Variants in ZBTB20 observed in about 807,000 individuals in gnomAD.
ZBTB20 encodes the protein zinc finger and BTB domain containing 20, also known as zinc finger and BTB domain-containing protein 20.
Under a neutral mutation model 56.9 loss-of-function variants are expected in ZBTB20, and 9 were observed. That is an observed-to-expected ratio of 0.16 (90% CI 0.10 to 0.28). The LOEUF is 0.28. ZBTB20 is among the 10% of genes least tolerant of loss of function. The pLI, the probability that ZBTB20 is intolerant of heterozygous loss-of-function variation, is 1.00. For missense variants in ZBTB20, 655 were observed against 1,003.0 expected (o/e 0.65, Z 4.69); for synonymous variants, 417 against 420.7 (o/e 0.99, Z 0.11).
At chr3:114,760,447 G>A (rs554588024) in intron 5 of ZBTB20, among the ~76,000 whole-genome samples, 1 of 152,254 alleles carries the variant, frequency 6.6e-6, no homozygotes, top group Non-Finnish European at 1.5e-5. Context: ...TGTAAAGGTT[G>A]GGTAGAAGTA....
chr3:114,438,952 C>T (rs1367931531), intron 7 of ZBTB20, among the ~76,000 whole-genome samples: 3 of 152,082 alleles, frequency 2.0e-5, no homozygotes, highest in Non-Finnish European at 2.9e-5. Flanking sequence ...GCACATACCA[C>T]AACTCTCAAA....
intron 2 of ZBTB20, among the ~76,000 whole-genome samples, chr3:115,042,548 T>G (rs2081182672): frequency 6.6e-6 from 1 of 152,342 alleles, no homozygotes; most frequent in South Asian, 2.1e-4. Context: ...GAAATATTTT[T>G]ATTGAGTACA....
intron 5 of ZBTB20, among the ~76,000 whole-genome samples, chr3:114,702,665 T>TTGTGTG (rs137914062): frequency 3.4e-4 from 50 of 146,704 alleles, no homozygotes; most frequent in African/African-American, 1.0e-3. Flanking sequence ...TTAGTCTAAA[T>TTGTGTG]TGTGTGTGTG....
intron 4 of ZBTB20, among the ~76,000 whole-genome samples, chr3:114,879,944 C>A (rs1027289248): frequency 1.3e-5 from 2 of 152,104 alleles, no homozygotes; most frequent in African/African-American, 4.8e-5. Flanking sequence ...GATATATATG[C>A]TCAAAATCCA....
chr3:114,835,081 T>C (rs905089572), intron 4 of ZBTB20, among the ~76,000 whole-genome samples: 1 of 152,184 alleles, frequency 6.6e-6, no homozygotes, highest in African/African-American at 2.4e-5. Flanking sequence ...CACCAGCTAC[T>C]GTTTACCCAC....
chr3:114,401,083 GACACACACACACACAC>G (rs201829025), intron 7 of ZBTB20, among the ~76,000 whole-genome samples: 1 of 133,022 alleles, frequency 7.5e-6, no homozygotes, highest in Admixed American at 7.2e-5. Context: ...CTACCTCCCA[GACACACACACACACAC>G]ACACACACAC....
chr3:114,642,686 T>C (rs979017623), intron 6 of ZBTB20, among the ~76,000 whole-genome samples: 4 of 152,070 alleles, frequency 2.6e-5, no homozygotes, highest in Admixed American at 6.6e-5. Context: ...GCTTGCAATT[T>C]TCTGAAAACG....
At chr3:114,942,226 C>T (rs1334485392) in intron 3 of ZBTB20, among the ~76,000 whole-genome samples, 2 of 145,540 alleles carry the variant, frequency 1.4e-5, no homozygotes, top group Admixed American at 1.3e-4. Flanking sequence ...TACAAAATTT[C>T]CTTTGTATCA....
At chr3:114,685,212 G>C (rs2062256248) in intron 6 of ZBTB20, among the ~76,000 whole-genome samples, 1 of 152,114 alleles carries the variant, frequency 6.6e-6, no homozygotes, top group Admixed American at 6.6e-5. Context: ...CCAAGACAAG[G>C]AGCTCCAGAG....
intron 4 of ZBTB20, among the ~76,000 whole-genome samples, chr3:114,858,846 T>C (rs1198703091): frequency 6.6e-6 from 1 of 152,184 alleles, no homozygotes; most frequent in African/African-American, 2.4e-5. Context: ...TACTGACATA[T>C]ACCAGCCCAC....
At chr3:114,977,882 C>T (rs2078168437) in intron 2 of ZBTB20, among the ~76,000 whole-genome samples, 1 of 151,526 alleles carries the variant, frequency 6.6e-6, no homozygotes, top group Admixed American at 6.6e-5. Context: ...TGGTGGTGCA[C>T]AACTGTAGTC....
At chr3:115,052,045 A>C (rs186205290) in intron 2 of ZBTB20, among the ~76,000 whole-genome samples, 3 of 152,256 alleles carry the variant, frequency 2.0e-5, no homozygotes, top group Admixed American at 2.0e-4. Context: ...TCCCTCCCCC[A>C]ACATTGGGGA....
chr3:114,809,140 A>G (rs1439209437), intron 4 of ZBTB20, among the ~76,000 whole-genome samples: 2 of 151,980 alleles, frequency 1.3e-5, no homozygotes, highest in Non-Finnish European at 2.9e-5. Flanking sequence ...TTTGACTATA[A>G]TGTGTCTATG....
At chr3:114,755,324 G>A (rs1433606220) in intron 5 of ZBTB20, among the ~76,000 whole-genome samples, 2 of 152,110 alleles carry the variant, frequency 1.3e-5, no homozygotes, top group African/African-American at 2.4e-5. Context: ...AATGAACCAA[G>A]GGAGGACATA....
intron 6 of ZBTB20, among the ~76,000 whole-genome samples, chr3:114,528,182 T>C (rs2047451431): frequency 6.6e-6 from 1 of 152,180 alleles, no homozygotes; most frequent in South Asian, 2.1e-4. Context: ...TTTATCTTTG[T>C]ACAAGAGCTG....
chr3:114,820,100 C>A (rs2073154502), intron 4 of ZBTB20, among the ~76,000 whole-genome samples: 1 of 151,738 alleles, frequency 6.6e-6, no homozygotes. Flanking sequence ...ATCCTCTAGC[C>A]CAGAAATCAA....
intron 4 of ZBTB20, among the ~76,000 whole-genome samples, chr3:114,830,009 G>T (rs1272515374): frequency 2.0e-5 from 3 of 151,874 alleles, no homozygotes; most frequent in South Asian, 4.1e-4. Flanking sequence ...TAGGTCAACT[G>T]ATCTCTATGA....
At chr3:114,377,724 T>C (rs2083816878) in intron 10 of ZBTB20, among the ~76,000 whole-genome samples, 1 of 152,110 alleles carries the variant, frequency 6.6e-6, no homozygotes, top group Non-Finnish European at 1.5e-5. Context: ...TGAGAGCAAA[T>C]CCATAAACAC....
At chr3:114,387,466 G>GA (rs2085283685) in intron 8 of ZBTB20, 1 of 152,178 alleles carries the variant, frequency 6.6e-6, no homozygotes, top group African/African-American at 2.4e-5. Flanking sequence ...CTGCACAGAT[G>GA]AAATACTTCC....
Sources: allele counts gnomAD v4.1 joint callset (sites outside exome capture counted in the v4.1 genomes callset), GRCh38; gene constraint gnomAD v4.1.1; transcripts MANE v1.5; gene names NCBI Gene and HGNC (gene_info 2026-07-23, HGNC 2026-07-21).